MTUS2: variants seen among roughly 807,000 people sequenced by gnomAD.
MTUS2 encodes microtubule-associated tumor suppressor candidate 2.
Under a neutral mutation model 114.1 loss-of-function variants are expected in MTUS2, and 40 were observed. That is an observed-to-expected ratio of 0.35 (90% CI 0.27 to 0.46). MTUS2 has a LOEUF of 0.46. Ranked by LOEUF, MTUS2 falls within the 20% of genes least tolerant of loss-of-function variation. The probability of loss-of-function intolerance (pLI) is 1.00; values close to 1 mark genes in which losing one functional copy is unlikely to be tolerated. For synonymous variants in MTUS2, 688 were observed against 672.0 expected, an observed-to-expected ratio of 1.02 and a Z score of -0.37; for missense variants, 1,679 against 1,705.4, an observed-to-expected ratio of 0.98 and a Z score of 0.27.
At chr13:28,882,319 G>C (rs1010212907) in intron 2 of MTUS2, among the ~76,000 whole-genome samples, 7 of 152,082 alleles carry the variant, frequency 4.6e-5, no homozygotes, top group African/African-American at 1.7e-4. Context: ...AAGTGCTGGG[G>C]TTACAGGTGT....
chr13:29,103,970 G>T (rs1890543535), intron 5 of MTUS2, among the ~76,000 whole-genome samples: 1 of 152,092 alleles, frequency 6.6e-6, no homozygotes, highest in African/African-American at 2.4e-5. Flanking sequence ...ACTCTTCCTT[G>T]CTGTTTCCCT....
At chr13:28,850,802 A>G (rs1009091791) in intron 2 of MTUS2, among the ~76,000 whole-genome samples, 1 of 152,172 alleles carries the variant, frequency 6.6e-6, no homozygotes, top group African/African-American at 2.4e-5. Context: ...TGGGTATAAA[A>G]TTTCATTATT....
chr13:29,323,442 G>A (rs1204010507), intron 6 of MTUS2, among the ~76,000 whole-genome samples: 1 of 152,066 alleles, frequency 6.6e-6, no homozygotes, highest in Non-Finnish European at 1.5e-5. Context: ...AGTAAAGACG[G>A]GGTTTCACCG....
chr13:29,143,958 T>G (rs1892328037), intron 5 of MTUS2, among the ~76,000 whole-genome samples: 1 of 152,222 alleles, frequency 6.6e-6, no homozygotes, highest in South Asian at 2.1e-4. Context: ...AATGCAGAAG[T>G]GCCATAGTGC....
At chr13:29,070,777 T>C (rs1888883708) in intron 4 of MTUS2, among the ~76,000 whole-genome samples, 1 of 152,170 alleles carries the variant, frequency 6.6e-6, no homozygotes, top group Non-Finnish European at 1.5e-5. Context: ...TTCTCTTTCT[T>C]TCTGGAATTT....
At chr13:28,823,967 TC>T (rs1489392463) in intron 1 of MTUS2, among the ~76,000 whole-genome samples, 2 of 152,010 alleles carry the variant, frequency 1.3e-5, no homozygotes, top group Non-Finnish European at 2.9e-5. Flanking sequence ...TGAGGGTAGT[TC>T]CCCCATGATT....
At chr13:29,320,239 C>T (rs1187416211) in intron 6 of MTUS2, among the ~76,000 whole-genome samples, 1 of 152,058 alleles carries the variant, frequency 6.6e-6, no homozygotes, top group Non-Finnish European at 1.5e-5. Flanking sequence ...GAAGGGGCCA[C>T]CAGCCAAGGA....
chr13:29,305,335 C>A (rs995187505), intron 6 of MTUS2, among the ~76,000 whole-genome samples: 2 of 137,284 alleles, frequency 1.5e-5, no homozygotes, highest in Non-Finnish European at 3.2e-5. Flanking sequence ...GTTAAAAAAT[C>A]AACAAATCCA....
At chr13:29,265,741 T>C (rs1593239612) in intron 5 of MTUS2, among the ~76,000 whole-genome samples, 1 of 152,140 alleles carries the variant, frequency 6.6e-6, no homozygotes, top group African/African-American at 2.4e-5. Flanking sequence ...GGGGGTCTGC[T>C]ACAAACTTTT....
At chr13:28,872,747 GC>G (rs1877697411) in intron 2 of MTUS2, among the ~76,000 whole-genome samples, 1 of 152,122 alleles carries the variant, frequency 6.6e-6, no homozygotes, top group African/African-American at 2.4e-5. Flanking sequence ...TGAGGGATTT[GC>G]CTAACATCTC....
At chr13:28,833,135 A>G (rs1187468604) in intron 1 of MTUS2, among the ~76,000 whole-genome samples, 1 of 152,150 alleles carries the variant, frequency 6.6e-6, no homozygotes, top group Non-Finnish European at 1.5e-5. Context: ...AATTCTACCA[A>G]ATGTTTATTT....
At chr13:29,319,978 A>G (rs1482234787) in intron 6 of MTUS2, among the ~76,000 whole-genome samples, 1 of 152,252 alleles carries the variant, frequency 6.6e-6, no homozygotes, top group Non-Finnish European at 1.5e-5. Flanking sequence ...TCAGTTAGAC[A>G]GGGAAGCTGC....
intron 2 of MTUS2, among the ~76,000 whole-genome samples, chr13:29,006,417 C>A (rs1164808919): frequency 6.6e-6 from 1 of 152,078 alleles, no homozygotes; most frequent in Non-Finnish European, 1.5e-5. Flanking sequence ...TTTAGTAACC[C>A]CCCTATGGAA....
At chr13:28,834,284 A>G (rs1279991900) in intron 1 of MTUS2, among the ~76,000 whole-genome samples, 1 of 152,158 alleles carries the variant, frequency 6.6e-6, no homozygotes, top group Non-Finnish European at 1.5e-5. Flanking sequence ...ACTTAACACA[A>G]AACTACCGTA....
intron 2 of MTUS2, among the ~76,000 whole-genome samples, chr13:28,968,937 C>A (rs1484140047): frequency 6.6e-6 from 1 of 152,080 alleles, no homozygotes; most frequent in Non-Finnish European, 1.5e-5. Context: ...CAAAATTATT[C>A]AAAAATTATA....
chr13:29,472,242 C>CAAAG (rs1437944466), intron 9 of MTUS2, among the ~76,000 whole-genome samples: 3 of 152,084 alleles, frequency 2.0e-5, no homozygotes, highest in African/African-American at 7.2e-5. Flanking sequence ...GGCTGGTCTC[C>CAAAG]ATCTCCTGAC....
rs1555272308 is a variant in MTUS2 at position 29,389,243 on chromosome 13, A to ATATATG, written c.3117+29775_3117+29776insGTATAT. Among the ~76,000 whole-genome samples, 1,063 of 122,036 alleles carry ATATATG rather than the reference A, an allele frequency of 8.7e-3. 80 individuals are homozygous for ATATATG. The highest frequency in any genetic ancestry group is 0.031 in the African/African-American group (961 of 30,520). 80.1% of individuals were successfully genotyped at this position (122,036 alleles called of 152,430 possible). On this transcript the variant is annotated intron_variant, in intron 8 of 15. Transcript: ENST00000612955. Reference sequence around the variant, plus strand: ...TATGTATGTATATATGTATGTGTGTATATATATGTATACACATGTGTGTAT... The same window carrying ATATATG: ...TATGTATGTATATATGTATGTGTGTATATATGTATATATGTATACACATGTGTGTAT...
rs537985767 is a variant in MTUS2, at chr13:28,938,027, T to C, written c.-242-86430T>C. Among the ~76,000 whole-genome samples the C allele has an allele frequency of 3.3e-5, 5 of 152,294 alleles. No individual in the cohort carries two copies. The South Asian group carries it at 8.3e-4, about 25-fold the overall frequency. On this transcript the variant is annotated intron_variant, in intron 2 of 15. Coordinates refer to ENST00000612955, the MANE Select transcript of MTUS2 (RefSeq NM_001033602.4). ...AGGATGCTTCCCTAATCCAATCCCT[T>C]GTGCATGCAGGCTCCTGAGAATATA...
At chr13:29,116,872 C>T (rs1327574840) in intron 5 of MTUS2, among the ~76,000 whole-genome samples, 8 of 152,142 alleles carry the variant, frequency 5.3e-5, no homozygotes, top group Middle Eastern at 3.2e-3. Context: ...CAATTTAAAA[C>T]TTATAAATTG....
Sources: allele counts gnomAD v4.1 joint callset (sites outside exome capture counted in the v4.1 genomes callset), GRCh38; gene constraint gnomAD v4.1.1; transcripts MANE v1.5; gene names NCBI Gene and HGNC (gene_info 2026-07-23, HGNC 2026-07-21).